SRBD1: variants seen among roughly 807,000 people sequenced by gnomAD.
SRBD1 encodes the protein S1 RNA binding domain 1.
In SRBD1, 88 loss-of-function variants were observed where a neutral mutation model predicts 115.3. The ratio of observed to expected loss-of-function variants is 0.76; its 90% CI spans 0.64 to 0.91. The LOEUF is 0.91. SRBD1 is among the 40% of genes least tolerant of loss of function. The pLI, the probability that SRBD1 is intolerant of heterozygous loss-of-function variation, is 0.00. For missense variants in SRBD1, 1,385 were observed against 1,177.4 expected, an observed-to-expected ratio of 1.18 and a Z score of -2.58; for synonymous variants, 509 against 407.7, an observed-to-expected ratio of 1.25 and a Z score of -2.99.
chr2:45,553,200 C>G lies in SRBD1; in HGVS notation c.1517+423G>C, dbSNP rs143348116. Among the ~76,000 whole-genome samples, 3 of 152,262 alleles carry G rather than the reference C, an allele frequency of 2.0e-5. No homozygotes were observed. In the East Asian group the frequency reaches 5.8e-4, roughly 29 times the overall value. ...TCCTTCTATTAGTCCGTTCACATTG[C>G]CATTTTAATAATCTCCTAATATTTA... On this transcript the variant is annotated intron_variant, in intron 11 of 20. Coordinates refer to ENST00000263736, the MANE Select transcript of SRBD1 (RefSeq NM_018079.5).
chr2:45,582,204 T>C (rs1173062880), intron 5 of SRBD1, among the ~76,000 whole-genome samples: 1 of 152,220 alleles, frequency 6.6e-6, no homozygotes, highest in African/African-American at 2.4e-5. Flanking sequence ...TCCTTGATTT[T>C]CTTCTCCTTG....
At chr2:45,539,671 C>A (rs961608068) in intron 14 of SRBD1, among the ~76,000 whole-genome samples, 1 of 152,206 alleles carries the variant, frequency 6.6e-6, no homozygotes, top group Non-Finnish European at 1.5e-5. Context: ...AAACTCAAGC[C>A]GAGAATTTAA....
At chr2:45,574,875 T>C (rs1169809503) in intron 7 of SRBD1, 152 bp from the exon 8 acceptor site, 1 of 644,482 alleles carries the variant, frequency 1.6e-6, no homozygotes, top group African/African-American at 1.8e-5. Flanking sequence ...GTATACTAGC[T>C]TCCCTTTGTA....
chr2:45,417,433 T>C (rs957756331), intron 18 of SRBD1, among the ~76,000 whole-genome samples: 3 of 152,216 alleles, frequency 2.0e-5, no homozygotes, highest in East Asian at 1.9e-4. Context: ...TCAGACCTTA[T>C]TCTGTGCTAT....
intron 14 of SRBD1, among the ~76,000 whole-genome samples, chr2:45,528,694 T>C (rs939808256): frequency 1.3e-5 from 2 of 151,760 alleles, no homozygotes; most frequent in Non-Finnish European, 2.9e-5. Context: ...ATGAAGAGAT[T>C]ATCAAGGAAA....
chr2:45,508,609 T>C (rs1434833765), intron 14 of SRBD1, among the ~76,000 whole-genome samples: 1 of 152,170 alleles, frequency 6.6e-6, no homozygotes, highest in East Asian at 1.9e-4. Context: ...CATGGAGTCA[T>C]ATTCCAGCAT....
chr2:45,480,876 G>A (rs955854894), intron 15 of SRBD1, among the ~76,000 whole-genome samples: 1 of 152,138 alleles, frequency 6.6e-6, no homozygotes, highest in Middle Eastern at 3.2e-3. Flanking sequence ...AAGTTCTACT[G>A]AATGTAAAAG....
intron 19 of SRBD1, among the ~76,000 whole-genome samples, chr2:45,396,559 A>G (rs1667150592): frequency 6.6e-6 from 1 of 152,210 alleles, no homozygotes; most frequent in African/African-American, 2.4e-5. Flanking sequence ...CATGTTCTTT[A>G]AGCACACATC....
chr2:45,405,557 T>A (rs1667408314), intron 19 of SRBD1, among the ~76,000 whole-genome samples: 1 of 152,040 alleles, frequency 6.6e-6, no homozygotes, highest in Admixed American at 6.6e-5. Context: ...TATAGTCAGG[T>A]AAGAGATACA....
chr2:45,419,328 C>A lies in SRBD1; in HGVS notation c.2156+460G>T, dbSNP rs6757385. On this transcript the variant is annotated intron_variant, in intron 17 of 20. Transcript: ENST00000263736. The stretch of plus-strand genomic sequence containing the variant: ...GGGGAAAAGAAGATTATATAACATG[C>A]GATTATAGTATGATAAAAATTTTGA... 7.3e-4 allele frequency among the ~76,000 whole-genome samples: 111 copies of A among 152,104 alleles called. 1 individual carries two copies. The highest frequency in any genetic ancestry group is 2.4e-3 in the African/African-American group (100 of 41,472).
intron 16 of SRBD1, among the ~76,000 whole-genome samples, chr2:45,449,372 T>A (rs1668923642): frequency 6.6e-6 from 1 of 152,178 alleles, no homozygotes; most frequent in Non-Finnish European, 1.5e-5. Flanking sequence ...CCACGGATAT[T>A]CCTAATAAAT....
chr2:45,456,628 A>C (rs1262842049), intron 16 of SRBD1, among the ~76,000 whole-genome samples: 1 of 151,924 alleles, frequency 6.6e-6, no homozygotes, highest in African/African-American at 2.4e-5. Flanking sequence ...AATAACAACA[A>C]CACTTATTTT....
rs769182606 is a variant in SRBD1, at chr2:45,574,688, G to A, written c.1108C>T (p.Gln370Ter). 2 of 1,613,596 alleles carry A rather than the reference G, an allele frequency of 1.2e-6. No individual in the cohort carries two copies. The highest frequency in any genetic ancestry group is 2.2e-5 in the East Asian group (1 of 44,870). Residue 370 changes from glutamine to a stop codon, truncating the protein, a stop_gained, in exon 8 of 21, where the codon CAG becomes TAG. Coordinates refer to ENST00000263736, the MANE Select transcript of SRBD1 (RefSeq NM_018079.5). LOFTEE classifies it high-confidence loss of function. ...STLQDIEIGV[Q>*]HILADMIAKD... ...GCAATCATATCTGCTAAAATATGCT[G>A]CACTCCTATTTCAATATCCTGAAGC... is the stretch of plus-strand genomic sequence containing the variant.
At chr2:45,570,737 C>T (rs985024941) in intron 9 of SRBD1, among the ~76,000 whole-genome samples, 1 of 152,166 alleles carries the variant, frequency 6.6e-6, no homozygotes, top group Non-Finnish European at 1.5e-5. Context: ...AGCCCACGTT[C>T]CTAGGGCAGG....
chr2:45,389,622 G>C (rs781093504), intron 20 of SRBD1, 23 bp from the exon 21 acceptor site: 1 of 1,604,460 alleles, frequency 6.2e-7, no homozygotes. Flanking sequence ...AAAAGTAAGT[G>C]TAAATAAGGC....
At chr2:45,575,506 C>A (rs1673149000) in intron 7 of SRBD1, among the ~76,000 whole-genome samples, 1 of 152,128 alleles carries the variant, frequency 6.6e-6, no homozygotes, top group African/African-American at 2.4e-5. Context: ...TACACAAGCA[C>A]TGCATATCAT....
intron 14 of SRBD1, among the ~76,000 whole-genome samples, chr2:45,540,623 C>T (rs1197279350): frequency 2.0e-5 from 3 of 152,016 alleles, no homozygotes; most frequent in East Asian, 1.9e-4. Context: ...GAAACATATA[C>T]CTGACAAAGG....
chr2:45,510,382 C>T (rs1183277677), intron 14 of SRBD1, among the ~76,000 whole-genome samples: 3 of 152,170 alleles, frequency 2.0e-5, no homozygotes, highest in Non-Finnish European at 4.4e-5. Context: ...GCATACAATT[C>T]ACACATTTTA....
At chr2:45,545,311 A>C (rs980180400) in intron 14 of SRBD1, among the ~76,000 whole-genome samples, 65 of 143,712 alleles carry the variant, frequency 4.5e-4, no homozygotes, top group Non-Finnish European at 7.4e-4. Context: ...AAAAAAAAAA[A>C]AAAACAGATG....
Sources: gnomAD v4.1 joint callset for allele counts (sites outside exome capture counted in the v4.1 genomes callset) on GRCh38, gnomAD v4.1.1 for gene constraint, MANE v1.5 for transcripts, NCBI Gene and HGNC (gene_info 2026-07-23, HGNC 2026-07-21) for gene names.